The following ABCA9 variants were observed in gnomAD, a reference collection of about 807,000 sequenced individuals.
ABCA9 encodes the protein ATP-binding cassette sub-family A member 9.
In ABCA9, 183 loss-of-function variants were observed where a neutral mutation model predicts 205.3. The observed-to-expected ratio is 0.89, with a 90% CI of 0.79 to 1.01. The LOEUF (loss-of-function observed/expected upper bound fraction) is 1.01. Ranked by LOEUF, ABCA9 falls within the 50% of genes least tolerant of loss-of-function variation. The pLI is 0.00. For missense variants in ABCA9, 1,805 were observed against 1,912.4 expected (o/e 0.94, Z 1.05); for synonymous variants, 651 against 683.3 (o/e 0.95, Z 0.74).
upstream of ABCA9, among the ~76,000 whole-genome samples, chr17:69,065,470 AT>A (rs755370419): frequency 3.7e-4 from 56 of 150,800 alleles, no homozygotes; most frequent in African/African-American, 1.0e-3. Context: ...ATGTACAAGA[AT>A]TTTTTTTTTA....
intron 6 of ABCA9, among the ~76,000 whole-genome samples, chr17:69,041,331 C>G (rs2071528834): frequency 6.6e-6 from 1 of 152,110 alleles, no homozygotes; most frequent in African/African-American, 2.4e-5. Flanking sequence ...AAAAAATGCC[C>G]TGATTTTTAA....
rs1441587722 is a variant in ABCA9, at chr17:68,987,754, G to GTTTT, written c.4047+1272_4047+1273insAAAA. ...CATTTGCGTTTTTTTTTGTTTGTTT[G>GTTTT]TTTGTTTGTTTGTTTTTTTGTTTGA... On this transcript the variant is annotated intron_variant, in intron 31 of 38. Coordinates refer to ENST00000340001, the MANE Select transcript of ABCA9 (RefSeq NM_080283.4). Among the ~76,000 whole-genome samples the GTTTT allele has an allele frequency of 2.0e-4, 17 of 85,430 alleles. 1 individual carries two copies. Among genetic ancestry groups the GTTTT allele is most frequent in the African/African-American group, 4.1e-4 (13 of 31,398 alleles). The allele number at this position is 85,430 out of a possible 152,430, so 56.0% of individuals were successfully genotyped here. A position where few individuals can be genotyped will look rare whatever the true frequency, so the allele number is the denominator to read the frequency against.
chr17:68,976,233 T>TC (rs781122458), intron 37 of ABCA9, 43 bp from the exon 38 acceptor site: 1 of 1,568,396 alleles, frequency 6.4e-7, no homozygotes, highest in Non-Finnish European at 8.7e-7. Flanking sequence ...ATTTTTTTTT[T>TC]CAGTGAGTTT....
intron 6 of ABCA9, chr17:69,042,430 C>T (rs1598405678): frequency 6.6e-6 from 1 of 152,160 alleles, no homozygotes; most frequent in African/African-American, 2.4e-5. Flanking sequence ...TTCTTGCCTC[C>T]CAGGCTTACC....
chr17:69,066,909 C>A, the ABCA9 span, among the ~76,000 whole-genome samples: 1 of 152,158 alleles, frequency 6.6e-6, no homozygotes, highest in Admixed American at 6.5e-5. Context: ...AGGTTTATCT[C>A]TGAACTGATG....
chr17:68,989,254 TCTCACACACACA>T lies in ABCA9; in HGVS notation c.3956-148_3956-137del, dbSNP rs1469966799. 10 of 416,854 alleles carry T rather than the reference TCTCACACACACA, an allele frequency of 2.4e-5. No homozygotes were observed. The African/African-American group carries it at 2.5e-4, about 10-fold the overall frequency. 25.8% of individuals were successfully genotyped at this position (416,854 alleles called of 1,614,324 possible). On this transcript the variant is annotated intron_variant, in intron 30 of 38. Coordinates refer to ENST00000340001, the MANE Select transcript of ABCA9 (RefSeq NM_080283.4). ...TATTTCCCTTATTCCTCTCTCTCTC[TCTCACACACACA>T]CACACACACACACACACACACACAC...
At chr17:69,004,719 C>T (rs1217232092) in intron 25 of ABCA9, 8 of 165,198 alleles carry the variant, frequency 4.8e-5, no homozygotes, top group African/African-American at 7.2e-5. Context: ...GCCTCGCTGC[C>T]GCCTTGCAGT....
chr17:69,031,677 C>G (rs971273286), intron 10 of ABCA9, among the ~76,000 whole-genome samples: 8 of 152,176 alleles, frequency 5.3e-5, no homozygotes, highest in African/African-American at 1.9e-4. Context: ...GCCTGCATCG[C>G]TTGCCTCTTT....
chr17:68,995,509 C>A (rs1399094851), intron 26 of ABCA9, among the ~76,000 whole-genome samples: 1 of 152,182 alleles, frequency 6.6e-6, no homozygotes, highest in Non-Finnish European at 1.5e-5. Flanking sequence ...GCTTTAACCC[C>A]CATCTCCACA....
Position 69,032,283 on chromosome 17 carries a change from G to A in ABCA9, c.1277-7C>T, listed in dbSNP as rs757469767. 1.9e-6 allele frequency: 3 copies of A among 1,611,448 alleles called. No individual in the cohort carries two copies. Among genetic ancestry groups the A allele is most frequent in the Admixed American group, 3.3e-5 (2 of 59,838 alleles). On this transcript the variant is annotated splice_polypyrimidine_tract_variant and splice_region_variant and intron_variant, in intron 9 of 38. Coordinates refer to ENST00000340001, the MANE Select transcript of ABCA9 (RefSeq NM_080283.4). ...CATCGATGTCCATATTCAGCTATGT[G>A]AGCAGGAGGCAATTGAATACTGGGT...
intron 6 of ABCA9, among the ~76,000 whole-genome samples, chr17:69,037,478 C>G (rs1039994019): frequency 6.6e-6 from 1 of 152,028 alleles, no homozygotes; most frequent in Non-Finnish European, 1.5e-5. Context: ...GGGTAAATAA[C>G]AAAATTAAGG....
chr17:69,066,022 G>C, the ABCA9 span, among the ~76,000 whole-genome samples: 1 of 152,144 alleles, frequency 6.6e-6, no homozygotes, highest in African/African-American at 2.4e-5. Flanking sequence ...CAGCCACCAT[G>C]AACTGTGAAT....
intron 26 of ABCA9, 80 bp downstream of exon 26, chr17:68,995,811 CTCTA>C (rs1235359595): frequency 2.5e-5 from 39 of 1,533,490 alleles, no homozygotes; most frequent in Admixed American, 3.6e-5. Flanking sequence ...CAGCTGAGGA[CTCTA>C]TCTATATTTT....
intron 1 of ABCA9, among the ~76,000 whole-genome samples, chr17:69,058,374 A>T (rs576051858): frequency 3.3e-5 from 5 of 151,996 alleles, no homozygotes; most frequent in African/African-American, 9.7e-5. Context: ...GAATATGCTG[A>T]CCCCTTCTGG....
In ABCA9 at chr17:69,060,207, T is replaced by C. The variant is rs574972502; in HGVS notation, c.-14+659A>G. ...AAATATACTACCCACCGTAATAATA[T>C]AAAACATCTAATTAGCTTAAATTGT... On this transcript the variant is annotated intron_variant, in intron 1 of 38. Coordinates refer to ENST00000340001, the MANE Select transcript of ABCA9 (RefSeq NM_080283.4). 1.3e-4 allele frequency among the ~76,000 whole-genome samples: 20 copies of C among 152,292 alleles called. No individual in the cohort carries two copies. The South Asian group carries it at 3.9e-3, about 30-fold the overall frequency.
intron 31 of ABCA9, among the ~76,000 whole-genome samples, chr17:68,987,656 C>A (rs560560499): frequency 1.4e-4 from 22 of 152,154 alleles, no homozygotes; most frequent in African/African-American, 5.3e-4. Context: ...TCATGCTGGG[C>A]TGGTTGCAGC....
chr17:69,067,558 T>A, the ABCA9 span, among the ~76,000 whole-genome samples: 1 of 126,028 alleles, frequency 7.9e-6, no homozygotes. Context: ...GAGTGAGACC[T>A]TGGAAAAAAA....
At chr17:69,050,323 A>AACACAC (rs149951202) in intron 2 of ABCA9, among the ~76,000 whole-genome samples, 1 of 123,860 alleles carries the variant, frequency 8.1e-6, no homozygotes, top group African/African-American at 2.7e-5. Flanking sequence ...TTGTTGCATG[A>AACACAC]ACACACACAC....
At chr17:69,040,859 C>T (rs764523538) in intron 6 of ABCA9, among the ~76,000 whole-genome samples, 3 of 151,990 alleles carry the variant, frequency 2.0e-5, no homozygotes, top group Non-Finnish European at 4.4e-5. Flanking sequence ...GACATATAGA[C>T]GAATATGAAG....
Sources: gnomAD v4.1 joint callset for allele counts (sites outside exome capture counted in the v4.1 genomes callset) on GRCh38, gnomAD v4.1.1 for gene constraint, MANE v1.5 for transcripts, NCBI Gene and HGNC (gene_info 2026-07-23, HGNC 2026-07-21) for gene names.